CARHSP1: variants seen among roughly 807,000 people sequenced by gnomAD.
CARHSP1 encodes the protein calcium regulated heat stable protein 1, also known as calcium-regulated heat-stable protein 1.
Under a neutral mutation model 12.5 loss-of-function variants are expected in CARHSP1, and 14 were observed. The ratio of observed to expected loss-of-function variants is 1.12; its 90% CI spans 0.74 to 1.75. The LOEUF is 1.75. Ranked by LOEUF, CARHSP1 falls within the 40% of genes most tolerant of loss-of-function variation. CARHSP1 has a pLI of 0.00. For missense variants in CARHSP1, 343 were observed against 201.6 expected, an observed-to-expected ratio of 1.70 and a Z score of -4.25; for synonymous variants, 161 against 82.0, an observed-to-expected ratio of 1.96 and a Z score of -5.20.
chr16:8,858,318 A>G, intron 3 of CARHSP1, 32 bp downstream of exon 3: 1 of 1,608,642 alleles, frequency 6.2e-7, no homozygotes, highest in Non-Finnish European at 8.5e-7. Context: ...CGCCCACCCC[A>G]GCCAGGCCAC....
chr16:8,857,461 TTTCTATTTTTTTGTA>T (rs1290066251), intron 3 of CARHSP1: 15 of 93,982 alleles, frequency 1.6e-4, no homozygotes, highest in African/African-American at 5.9e-4. Context: ...TTTTTTTTTT[TTTCTATTTTTTTGTA>T]TTTTTGTGAT....
Position 8,854,906 on chromosome 16 carries a change from GCACCTCT to G in CARHSP1, c.*251_*257del, listed in dbSNP as rs2061047209. 6.2e-6 allele frequency: 2 copies of G among 322,358 alleles called. No individual in the cohort carries two copies. Among genetic ancestry groups the G allele is most frequent in the Admixed American group, 9.9e-5 (2 of 20,214 alleles). 20.0% of individuals were successfully genotyped at this position (322,358 alleles called of 1,614,324 possible). A position where few individuals can be genotyped will look rare whatever the true frequency, so the allele number is the denominator to read the frequency against. On this transcript the variant is annotated 3_prime_UTR_variant, in exon 4 of 4. Coordinates refer to ENST00000311052, the MANE Select transcript of CARHSP1 (RefSeq NM_014316.4). ...GGAACCTCCACTCAGCCACCAGTGG[GCACCTCT>G]CCTTTTTAAATGCTTTTAATGCTCT...
At chr16:8,862,262 G>A (rs535657669) in intron 1 of CARHSP1, among the ~76,000 whole-genome samples, 1 of 151,884 alleles carries the variant, frequency 6.6e-6, no homozygotes, top group Non-Finnish European at 1.5e-5. Context: ...TCCACATCTG[G>A]AAAATGGGAA....
At chr16:8,855,699 G>A (rs1242713053) in intron 3 of CARHSP1, among the ~76,000 whole-genome samples, 4 of 152,206 alleles carry the variant, frequency 2.6e-5, no homozygotes, top group Non-Finnish European at 5.9e-5. Context: ...AGGCCATCAT[G>A]GAGTGAGAAT....
intron 1 of CARHSP1, among the ~76,000 whole-genome samples, chr16:8,862,410 A>G (rs1035317615): frequency 1.3e-5 from 2 of 152,188 alleles, no homozygotes; most frequent in African/African-American, 4.8e-5. Flanking sequence ...GTCATCATAA[A>G]GGCACTCAAC....
In CARHSP1 at chr16:8,853,600, G is replaced by T. The variant is rs2061006059; in HGVS notation, c.*1564C>A. 1 of 152,196 alleles carries T rather than the reference G, an allele frequency of 6.6e-6. No homozygotes were observed. Among genetic ancestry groups the T allele is most frequent in the Admixed American group, 6.5e-5 (1 of 15,282 alleles). The allele number at this position is 152,196 out of a possible 1,614,324, so 9.4% of individuals were successfully genotyped here. ...TGTTCATGCTTCCAGCATCAAACTG[G>T]ACGTTTACTGTCTGCCCAAAAGCCA... On this transcript the variant is annotated 3_prime_UTR_variant, in exon 4 of 4. Coordinates refer to ENST00000311052, the MANE Select transcript of CARHSP1 (RefSeq NM_014316.4).
chr16:8,856,562 CAT>C (rs1218291534), intron 3 of CARHSP1, among the ~76,000 whole-genome samples: 3 of 149,446 alleles, frequency 2.0e-5, no homozygotes, highest in Non-Finnish European at 4.4e-5. Context: ...TGTATGCATG[CAT>C]ATGTGAAATG....
At chr16:8,856,235 G>C (rs2061100919) in intron 3 of CARHSP1, among the ~76,000 whole-genome samples, 1 of 152,176 alleles carries the variant, frequency 6.6e-6, no homozygotes, top group Admixed American at 6.5e-5. Context: ...TCTCACATGA[G>C]ACTGGCATCT....
At chr16:8,855,475 C>T in intron 3 of CARHSP1, 149 bp from the exon 4 acceptor site, 1 of 625,106 alleles carries the variant, frequency 1.6e-6, no homozygotes. Context: ...ACTGCCCCTC[C>T]ACCAGAGGGA....
rs911252969 is a variant in CARHSP1 at position 8,859,210 on chromosome 16, G to A, written c.119C>T (p.Pro40Leu). 2 of 1,604,006 alleles carry A rather than the reference G, an allele frequency of 1.2e-6. No individual in the cohort carries two copies. Among genetic ancestry groups the A allele is most frequent in the Non-Finnish European group, 1.7e-6 (2 of 1,176,700 alleles). The change falls in exon 2 of 4, where the codon CCA becomes CTA. Residue 40 changes from proline to leucine, a missense_variant. Pro to Leu is a moderately conservative substitution (Grantham distance 98, BLOSUM62 -3). Coordinates refer to ENST00000311052, the MANE Select transcript of CARHSP1 (RefSeq NM_014316.4). ...CGTCCGGCGAGTGGGCAGTGGGCTT[G>A]GGACCACGTTGCCCCGCAGAGGGGA... ...SPSPLRGNVV[P>L]SPLPTRRTRT...
At chr16:8,860,295 G>C in intron 1 of CARHSP1, 4 of 983,416 alleles carry the variant, frequency 4.1e-6, no homozygotes, top group Non-Finnish European at 4.8e-6. Context: ...TTTCCACACA[G>C]CCCGGGTCAC....
intron 1 of CARHSP1, among the ~76,000 whole-genome samples, chr16:8,862,783 G>A (rs1375273537): frequency 6.6e-6 from 1 of 152,162 alleles, no homozygotes; most frequent in Non-Finnish European, 1.5e-5. Context: ...GGTGGAAAGG[G>A]TAGGGCCCGC....
intron 3 of CARHSP1, among the ~76,000 whole-genome samples, chr16:8,856,055 T>C (rs970645818): frequency 3.9e-5 from 6 of 152,194 alleles, no homozygotes; most frequent in African/African-American, 1.4e-4. Flanking sequence ...GTGAGCCACC[T>C]GCCTCAGCCT....
chr16:8,855,311 A>C lies in CARHSP1; in HGVS notation c.297T>G (p.Tyr99Ter). 1 of 1,605,294 alleles carries C rather than the reference A, an allele frequency of 6.2e-7. No homozygotes were observed. ...FLHISDVEGE[Y>*]VPVEGDEVTY... ...TGACCTCGTCGCCTTCCACTGGGAC[A>C]TACTCCCCTTCCACACTACGGGGGC... The change falls in exon 4 of 4, where the codon TAT (tyrosine) becomes TAG (stop). Residue 99 changes from tyrosine to a stop codon, truncating the protein, a stop_gained. Transcript: ENST00000311052. LOFTEE classifies it high-confidence loss of function.
chr16:8,865,521 C>T (rs1469896917), intron 1 of CARHSP1, among the ~76,000 whole-genome samples: 1 of 152,198 alleles, frequency 6.6e-6, no homozygotes, highest in Non-Finnish European at 1.5e-5. Context: ...GAGAACCTCT[C>T]CAAGCCTGCT....
chr16:8,866,464 C>A, intron 1 of CARHSP1: 2 of 985,416 alleles, frequency 2.0e-6, no homozygotes, highest in Non-Finnish European at 2.4e-6. Flanking sequence ...GACAGAGACA[C>A]TGAGCTGACC....
chr16:8,859,030 C>T (rs562161313), intron 2 of CARHSP1, 141 bp downstream of exon 2: 4 of 725,262 alleles, frequency 5.5e-6, no homozygotes, highest in Admixed American at 3.1e-5. Flanking sequence ...AGTTTCTCAC[C>T]CTCAGCCCAC....
Position 8,855,179 on chromosome 16 carries a change from A to G in CARHSP1, c.429T>C (p.His143=), listed in dbSNP as rs1278379873. 7.5e-6 allele frequency: 12 copies of G among 1,601,254 alleles called. No homozygotes were observed. The South Asian group carries it at 1.0e-4, about 13-fold the overall frequency. The change falls in exon 4 of 4, where the codon CAT becomes CAC. Residue 143 remains histidine (H), a synonymous_variant. Coordinates refer to ENST00000311052, the MANE Select transcript of CARHSP1 (RefSeq NM_014316.4). ...CCACCATCTCCTAGGAGCTGATGAC[A>G]TGTCCAGACCAGGTCTCATGCTTGG... ...PGTKHETWSG[H]VISS
At chr16:8,856,722 C>G (rs991561782) in intron 3 of CARHSP1, among the ~76,000 whole-genome samples, 1 of 152,160 alleles carries the variant, frequency 6.6e-6, no homozygotes, top group African/African-American at 2.4e-5. Flanking sequence ...CAGAGTAGGA[C>G]TCTGTCTGCC....
Sources: allele counts gnomAD v4.1 joint callset (sites outside exome capture counted in the v4.1 genomes callset), GRCh38; gene constraint gnomAD v4.1.1; transcripts MANE v1.5; gene names NCBI Gene and HGNC (gene_info 2026-07-23, HGNC 2026-07-21).